EPB41L3: variants seen among roughly 807,000 people sequenced by gnomAD.
EPB41L3 encodes the protein erythrocyte membrane protein band 4.1 like 3.
Under a neutral mutation model 127.1 loss-of-function variants are expected in EPB41L3, and 57 were observed. The observed-to-expected ratio is 0.45, with a 90% CI of 0.36 to 0.56. The LOEUF is 0.56. Ranked by LOEUF, EPB41L3 falls within the 20% of genes least tolerant of loss-of-function variation. The pLI is 0.00. For synonymous variants in EPB41L3, 572 were observed against 549.5 expected (o/e 1.04, Z -0.57); for missense variants, 1,273 against 1,372.2 (o/e 0.93, Z 1.14).
intron 1 of EPB41L3, among the ~76,000 whole-genome samples, chr18:5,490,231 G>A (rs1054518967): frequency 4.6e-5 from 7 of 152,188 alleles, no homozygotes; most frequent in East Asian, 1.9e-4. Context: ...GGTATATGGA[G>A]TAAGTATCTC....
At chr18:5,420,263 TGGCAC>T in intron 11 of EPB41L3, 1 of 285,492 alleles carries the variant, frequency 3.5e-6, no homozygotes, top group Non-Finnish European at 6.7e-6. Flanking sequence ...TGGCTGGCAC[TGGCAC>T]CAGTCTCGTA....
At chr18:5,523,968 T>C (rs933607514) in intron 1 of EPB41L3, among the ~76,000 whole-genome samples, 9 of 152,192 alleles carry the variant, frequency 5.9e-5, no homozygotes, top group Non-Finnish European at 1.0e-4. Flanking sequence ...TGAATATTTC[T>C]ATGTATGTGT....
chr18:5,622,254 T>A (rs2094871433), intron 1 of EPB41L3, among the ~76,000 whole-genome samples: 1 of 152,230 alleles, frequency 6.6e-6, no homozygotes, highest in African/African-American at 2.4e-5. Context: ...TAACAAGGTA[T>A]GCATTATATG....
chr18:5,487,396 AATATAT>A (rs1239366002), intron 2 of EPB41L3, among the ~76,000 whole-genome samples: 1 of 145,574 alleles, frequency 6.9e-6, no homozygotes, highest in African/African-American at 2.5e-5. Flanking sequence ...TACAAAATAT[AATATAT>A]ATATTTTTTA....
intron 3 of EPB41L3, among the ~76,000 whole-genome samples, chr18:5,593,406 C>A (rs1200796979): frequency 6.6e-6 from 1 of 152,102 alleles, no homozygotes; most frequent in African/African-American, 2.4e-5. Flanking sequence ...AGCCGTAAAA[C>A]CAGCAAGTTT....
intron 2 of EPB41L3, among the ~76,000 whole-genome samples, chr18:5,485,766 G>A (rs937241980): frequency 2.6e-5 from 4 of 151,864 alleles, no homozygotes; most frequent in Admixed American, 6.6e-5. Context: ...AAATACCTAG[G>A]AAGCAATCTA....
intron 1 of EPB41L3, among the ~76,000 whole-genome samples, chr18:5,539,449 C>T (rs998082062): frequency 6.6e-6 from 1 of 152,180 alleles, no homozygotes; most frequent in Non-Finnish European, 1.5e-5. Context: ...AAAAATGCAA[C>T]ACCAAAGACA....
intron 1 of EPB41L3, among the ~76,000 whole-genome samples, chr18:5,528,675 G>A (rs2093315682): frequency 1.3e-5 from 2 of 151,948 alleles, no homozygotes; most frequent in African/African-American, 2.4e-5. Flanking sequence ...TCAGCCCACC[G>A]CAGCCTAGGC....
At chr18:5,597,207 T>G (rs1202993093) in intron 3 of EPB41L3, among the ~76,000 whole-genome samples, 2 of 152,170 alleles carry the variant, frequency 1.3e-5, no homozygotes, top group African/African-American at 2.4e-5. Flanking sequence ...CCTCCTCAAG[T>G]GCCTTTTGGT....
At chr18:5,572,624 A>G (rs1031468162) in intron 3 of EPB41L3, among the ~76,000 whole-genome samples, 1 of 152,086 alleles carries the variant, frequency 6.6e-6, no homozygotes, top group Non-Finnish European at 1.5e-5. Context: ...CCCAGGCTGC[A>G]GTGCAATGGT....
chr18:5,504,436 G>T (rs2091988042), intron 1 of EPB41L3, among the ~76,000 whole-genome samples: 1 of 152,124 alleles, frequency 6.6e-6, no homozygotes, highest in South Asian at 2.1e-4. Flanking sequence ...CACCCAGACA[G>T]CCCTGTTGAG....
At chr18:5,540,099 G>T (rs1041301508) in intron 1 of EPB41L3, among the ~76,000 whole-genome samples, 3 of 152,002 alleles carry the variant, frequency 2.0e-5, no homozygotes, top group Non-Finnish European at 2.9e-5. Context: ...TTAGTACAAA[G>T]AACAGTAAGA....
At chr18:5,611,362 A>C (rs1246736876) in intron 3 of EPB41L3, among the ~76,000 whole-genome samples, 2 of 152,220 alleles carry the variant, frequency 1.3e-5, no homozygotes, top group Non-Finnish European at 2.9e-5. Flanking sequence ...TGAAGCTTGA[A>C]GACACTATGC....
Position 5,397,080 on chromosome 18 carries a change from A to G in EPB41L3, c.2819T>C (p.Leu940Ser). 2.5e-6 allele frequency: 4 copies of G among 1,600,036 alleles called. No homozygotes were observed. The South Asian group carries it at 4.5e-5, about 18-fold the overall frequency. The change falls in exon 18 of 23, where the codon TTG becomes TCG. Residue 940 changes from leucine to serine, a missense_variant. Coordinates refer to ENST00000341928, the MANE Select transcript of EPB41L3 (RefSeq NM_012307.5). The surrounding 1 kb of genome is among the most constrained non-coding windows in gnomAD (Gnocchi z 4.1). ...QSAAIHISET[L>S]EQKPHFESST... Reference sequence around the variant, plus strand: ...TACCTCAAAATGAGGTTTTTGTTCCAAAGTTTCTGAAATGTGGATGGCTGC... The same window carrying G: ...TACCTCAAAATGAGGTTTTTGTTCCGAAGTTTCTGAAATGTGGATGGCTGC...
intron 3 of EPB41L3, among the ~76,000 whole-genome samples, chr18:5,448,277 G>A (rs1193934947): frequency 2.6e-5 from 4 of 152,160 alleles, no homozygotes; most frequent in African/African-American, 9.7e-5. Context: ...ACGGATGGAG[G>A]TGGGACATGA....
At chr18:5,420,220 A>G (rs1283763277) in intron 11 of EPB41L3, 1 of 360,238 alleles carries the variant, frequency 2.8e-6, no homozygotes. Flanking sequence ...GAGGGTCATG[A>G]GGCGAGGCTG....
At chr18:5,613,517 C>T (rs1317842471) in intron 2 of EPB41L3, among the ~76,000 whole-genome samples, 1 of 152,178 alleles carries the variant, frequency 6.6e-6, no homozygotes, top group Admixed American at 6.5e-5. Flanking sequence ...CAAACAAAGG[C>T]CCATGGGTTT....
intron 3 of EPB41L3, among the ~76,000 whole-genome samples, chr18:5,468,930 A>C (rs937714004): frequency 1.3e-5 from 1 of 79,072 alleles, no homozygotes; most frequent in African/African-American, 3.3e-5. Flanking sequence ...CAAAAAACAA[A>C]AAACAAACAA....
intron 3 of EPB41L3, among the ~76,000 whole-genome samples, chr18:5,557,453 G>A (rs568824382): frequency 6.6e-6 from 1 of 152,014 alleles, no homozygotes; most frequent in East Asian, 1.9e-4. Context: ...GCACAATCTC[G>A]GCCCACCCCA....
Sources: gnomAD v4.1 joint callset for allele counts (sites outside exome capture counted in the v4.1 genomes callset) on GRCh38, gnomAD v4.1.1 for gene constraint, Gnocchi (gnomAD v3.1) non-coding constraint, MANE v1.5 for transcripts, NCBI Gene and HGNC (gene_info 2026-07-23, HGNC 2026-07-21) for gene names.